The following KCNIP4 variants were observed in gnomAD, a reference collection of about 807,000 sequenced individuals.
KCNIP4 encodes potassium voltage-gated channel interacting protein 4, also known as Kv channel-interacting protein 4.
Under a neutral mutation model 34.0 loss-of-function variants are expected in KCNIP4, and 12 were observed. The ratio of observed to expected loss-of-function variants is 0.35; its 90% CI spans 0.23 to 0.57. The LOEUF (loss-of-function observed/expected upper bound fraction) is 0.57, where lower values mean the gene tolerates loss of function less well. KCNIP4 is among the 20% of genes least tolerant of loss of function. The pLI is 0.83. For synonymous variants in KCNIP4, 124 were observed against 102.2 expected, an observed-to-expected ratio of 1.21 and a Z score of -1.29; for missense variants, 238 against 311.7, an observed-to-expected ratio of 0.76 and a Z score of 1.78.
At chr4:21,279,485 T>TTATATA (rs368733787) in intron 1 of KCNIP4, among the ~76,000 whole-genome samples, 1 of 147,772 alleles carries the variant, frequency 6.8e-6, no homozygotes, top group African/African-American at 2.5e-5. Context: ...ACTTTAAAGA[T>TTATATA]TATATATATA....
chr4:21,237,931 T>G (rs1420125336), intron 1 of KCNIP4, among the ~76,000 whole-genome samples: 16 of 152,028 alleles, frequency 1.1e-4, no homozygotes, highest in Non-Finnish European at 2.1e-4. Flanking sequence ...AACAAAAAAA[T>G]AGAATTTTAG....
intron 1 of KCNIP4, among the ~76,000 whole-genome samples, chr4:21,493,667 G>A (rs1732600158): frequency 1.3e-5 from 2 of 152,108 alleles, no homozygotes; most frequent in South Asian, 4.1e-4. Flanking sequence ...TGGTATCTTT[G>A]AGAAGACCTC....
At chr4:21,036,678 A>G (rs1320973725) in intron 1 of KCNIP4, among the ~76,000 whole-genome samples, 1 of 152,202 alleles carries the variant, frequency 6.6e-6, no homozygotes, top group Non-Finnish European at 1.5e-5. Context: ...GTGAGCCGAG[A>G]TGGCACCACT....
intron 1 of KCNIP4, among the ~76,000 whole-genome samples, chr4:21,499,316 G>C (rs1025381738): frequency 1.5e-5 from 2 of 130,182 alleles, no homozygotes; most frequent in African/African-American, 6.5e-5. Flanking sequence ...GGGTGACAGA[G>C]TAAGACTCCA....
At chr4:21,155,151 G>A (rs1448009055) in intron 1 of KCNIP4, among the ~76,000 whole-genome samples, 1 of 152,180 alleles carries the variant, frequency 6.6e-6, no homozygotes, top group African/African-American at 2.4e-5. Context: ...ATTAGAGAGT[G>A]CCTCATGACA....
intron 1 of KCNIP4, among the ~76,000 whole-genome samples, chr4:21,525,520 C>T (rs940929217): frequency 2.0e-5 from 3 of 152,128 alleles, no homozygotes; most frequent in African/African-American, 7.2e-5. Flanking sequence ...ATGACAGATG[C>T]CTCACAAAAT....
intron 1 of KCNIP4, among the ~76,000 whole-genome samples, chr4:21,290,147 C>G (rs913409034): frequency 3.3e-5 from 5 of 152,048 alleles, no homozygotes; most frequent in Non-Finnish European, 7.4e-5. Context: ...AACTGTTTGA[C>G]TTGAAGTTGA....
intron 1 of KCNIP4, among the ~76,000 whole-genome samples, chr4:20,970,443 G>A (rs1354562472): frequency 2.0e-5 from 3 of 152,164 alleles, no homozygotes; most frequent in African/African-American, 7.2e-5. Flanking sequence ...ATGAATGCGT[G>A]TATATATAAA....
At chr4:20,896,621 T>C (rs1472464400) in intron 1 of KCNIP4, among the ~76,000 whole-genome samples, 1 of 152,112 alleles carries the variant, frequency 6.6e-6, no homozygotes, top group Non-Finnish European at 1.5e-5. Flanking sequence ...GGAACAAGAA[T>C]AGGTTCTCCT....
chr4:21,930,532 C>T (rs1729506071), intron 1 of KCNIP4, among the ~76,000 whole-genome samples: 2 of 152,060 alleles, frequency 1.3e-5, no homozygotes, highest in African/African-American at 4.8e-5. Flanking sequence ...TCTACTTTTC[C>T]AGTCTTACTT....
At chr4:21,659,411 G>A (rs1264899216) in intron 1 of KCNIP4, among the ~76,000 whole-genome samples, 1 of 152,020 alleles carries the variant, frequency 6.6e-6, no homozygotes, top group Admixed American at 6.6e-5. Context: ...TTCTGATTAT[G>A]CATTTTTTTG....
At chr4:21,384,847 G>A (rs2322959) in intron 1 of KCNIP4, among the ~76,000 whole-genome samples, 128,007 of 152,222 alleles carry the variant, frequency 0.84, 54,196 homozygotes, top group Non-Finnish European at 0.89. Flanking sequence ...AGCTCCCTGG[G>A]GAGAAGGCAG....
At chr4:21,847,757 C>T (rs571559262) in intron 1 of KCNIP4, 1 of 152,168 alleles carries the variant, frequency 6.6e-6, no homozygotes, top group East Asian at 1.9e-4. Flanking sequence ...CAAAATATTT[C>T]ACCTTTTTTT....
At chr4:21,077,174 A>G (rs1253243912) in intron 1 of KCNIP4, among the ~76,000 whole-genome samples, 2 of 152,006 alleles carry the variant, frequency 1.3e-5, no homozygotes, top group Non-Finnish European at 2.9e-5. Flanking sequence ...AATTAAAAAA[A>G]GTATTGAGGT....
At position 21,291,870 on chromosome 4, in the gene KCNIP4, AGAAAGAAAGAAAG is replaced by A. The variant is rs1560259840; in HGVS notation, c.62-409174_62-409162del. Among the ~76,000 whole-genome samples the A allele has an allele frequency of 2.0e-3, 26 of 13,272 alleles. 3 individuals are homozygous for A. Among genetic ancestry groups the A allele is most frequent in the African/African-American group, 5.5e-3 (22 of 3,964 alleles). 8.7% of individuals were successfully genotyped at this position (13,272 alleles called of 152,430 possible). ...CTCCGCCTCAAAAAAAAAAAAAAAAAGAAAGAAAGAAAGAAAGAAAGAAAGAAAGAAAGAAAGA... is the reference window on the plus strand; with the variant it reads ...CTCCGCCTCAAAAAAAAAAAAAAAAAAAAGAAAGAAAGAAAGAAAGAAAGA... On this transcript the variant is annotated intron_variant, in intron 1 of 8. Coordinates refer to ENST00000382152, the MANE Select transcript of KCNIP4 (RefSeq NM_025221.6).
At chr4:21,036,486 G>A (rs1741453268) in intron 1 of KCNIP4, among the ~76,000 whole-genome samples, 1 of 152,218 alleles carries the variant, frequency 6.6e-6, no homozygotes. Context: ...GAAAAGATAA[G>A]TGCAGGTTTA....
intron 3 of KCNIP4, among the ~76,000 whole-genome samples, chr4:20,764,703 C>CACACACACAT (rs1350890335): frequency 6.6e-6 from 1 of 151,522 alleles, no homozygotes; most frequent in East Asian, 1.9e-4. Flanking sequence ...CACACACACA[C>CACACACACAT]ACACAACCCC....
intron 1 of KCNIP4, among the ~76,000 whole-genome samples, chr4:21,481,908 A>T (rs1731459620): frequency 6.6e-6 from 1 of 152,304 alleles, no homozygotes; most frequent in East Asian, 1.9e-4. Flanking sequence ...CACATTTATG[A>T]AATAAAAGGT....
chr4:21,870,704 G>C (rs1298504439), intron 1 of KCNIP4, among the ~76,000 whole-genome samples: 2 of 152,072 alleles, frequency 1.3e-5, no homozygotes, highest in African/African-American at 4.8e-5. Context: ...TCTGACTTTG[G>C]ACTCGCTCTC....
Sources: gnomAD v4.1 joint callset for allele counts (sites outside exome capture counted in the v4.1 genomes callset) on GRCh38, gnomAD v4.1.1 for gene constraint, MANE v1.5 for transcripts, NCBI Gene and HGNC (gene_info 2026-07-23, HGNC 2026-07-21) for gene names.